HAUS6: variants seen among roughly 807,000 people sequenced by gnomAD.
The protein encoded by HAUS6 is HAUS augmin like complex subunit 6, also known as HAUS augmin-like complex subunit 6.
In HAUS6, 80 loss-of-function variants were observed where a neutral mutation model predicts 106.8. The observed-to-expected ratio is 0.75, with a 90% CI of 0.63 to 0.90. The LOEUF is 0.90. Ranked by LOEUF, HAUS6 falls within the 40% of genes least tolerant of loss-of-function variation. The pLI is 0.00. For synonymous variants in HAUS6, 356 were observed against 379.1 expected, an observed-to-expected ratio of 0.94 and a Z score of 0.71; for missense variants, 1,155 against 1,118.1, an observed-to-expected ratio of 1.03 and a Z score of -0.47.
chr9:19,058,835 A>G lies in HAUS6; in HGVS notation c.1932T>C (p.Thr644=), dbSNP rs1836542260. 1 of 1,614,110 alleles carries G rather than the reference A, an allele frequency of 6.2e-7. No homozygotes were observed. Among genetic ancestry groups the G allele is most frequent in the African/African-American group, 1.3e-5 (1 of 74,954 alleles). Residue 644 remains threonine (T), a synonymous_variant, in exon 16 of 17, where the codon ACT becomes ACC. Coordinates refer to ENST00000380502, the MANE Select transcript of HAUS6 (RefSeq NM_017645.5). ...FSMADFLLET[T]VSDFGQSHLT... ...AATGAGACTGGCCAAAATCTGATAC[A>G]GTGGTTTCTAAGAGAAAATCAGCCA...
At position 19,080,681 on chromosome 9, in the gene HAUS6, T is replaced by C; in HGVS notation, c.871-9A>G. 6 of 1,561,656 alleles carry C rather than the reference T, an allele frequency of 3.8e-6. No homozygotes were observed. The highest frequency in any genetic ancestry group is 5.2e-6 in the Non-Finnish European group (6 of 1,142,980). The stretch of plus-strand genomic sequence containing the variant: ...ACATTTCCTATGTGCAACTAAGGAA[T>C]CAGGAGGAGAAAAAAATTGGTGAAC... On this transcript the variant is annotated splice_polypyrimidine_tract_variant and intron_variant, in intron 8 of 16. Transcript: ENST00000380502.
At chr9:19,060,888 A>G (rs1836599398) in intron 14 of HAUS6, among the ~76,000 whole-genome samples, 1 of 152,220 alleles carries the variant, frequency 6.6e-6, no homozygotes, top group South Asian at 2.1e-4. Context: ...GAGGCCGGGC[A>G]TGGTGGCTCA....
At chr9:19,062,879 T>C in intron 14 of HAUS6, 129 bp downstream of exon 14, 3 of 719,484 alleles carry the variant, frequency 4.2e-6, no homozygotes, top group Non-Finnish European at 7.2e-6. Flanking sequence ...TTGCCCATGC[T>C]GGTCTCGAAC....
intron 6 of HAUS6, 80 bp downstream of exon 6, chr9:19,087,011 T>G (rs1588620587): frequency 1.3e-6 from 1 of 745,050 alleles, no homozygotes; most frequent in Non-Finnish European, 2.4e-6. Flanking sequence ...TTAATGTTTG[T>G]GGGAGTCTGT....
In HAUS6 at chr9:19,078,177, G is replaced by A. The variant is rs748828305; in HGVS notation, c.1190C>T (p.Pro397Leu). 129 of 1,603,764 alleles carry A rather than the reference G, an allele frequency of 8.0e-5. No individual in the cohort carries two copies. The highest frequency in any genetic ancestry group is 1.5e-4 in the Admixed American group (9 of 59,316). ...CAGGGGCAAGTCAACATTACTTACT[G>A]GAGTCCAACCTTTAATTAGACTGAA... is the stretch of plus-strand genomic sequence containing the variant. ...SPFSLIKGWT[P>L]SVDLLPPMSP... Residue 397 changes from proline to leucine, a missense_variant and splice_region_variant, in exon 10 of 17, where the codon CCA (proline) becomes CTA (leucine). Physicochemically the swap from Pro to Leu is moderately conservative, Grantham distance 98. Coordinates refer to ENST00000380502, the MANE Select transcript of HAUS6 (RefSeq NM_017645.5).
At chr9:19,062,300 AAT>A (rs1836641416) in intron 14 of HAUS6, among the ~76,000 whole-genome samples, 1 of 152,236 alleles carries the variant, frequency 6.6e-6, no homozygotes, top group South Asian at 2.1e-4. Context: ...AGTGTGTTCT[AAT>A]ATTCAAAAAA....
At chr9:19,087,018 C>G in intron 6 of HAUS6, 73 bp downstream of exon 6, 3 of 760,272 alleles carry the variant, frequency 3.9e-6, no homozygotes, top group Non-Finnish European at 7.1e-6. Context: ...TTGTGGGAGT[C>G]TGTTTCCTAG....
intron 14 of HAUS6, among the ~76,000 whole-genome samples, chr9:19,062,436 G>C (rs1368917046): frequency 6.6e-6 from 1 of 152,218 alleles, no homozygotes; most frequent in Non-Finnish European, 1.5e-5. Flanking sequence ...TGTATCATTT[G>C]TATACTTTCA....
intron 1 of HAUS6, among the ~76,000 whole-genome samples, chr9:19,100,149 G>T (rs991727814): frequency 3.9e-5 from 6 of 151,950 alleles, no homozygotes; most frequent in Admixed American, 6.6e-5. Flanking sequence ...AGTCCAGATC[G>T]CACCACTGCA....
rs1472622903 is a variant in HAUS6 at position 19,055,496 on chromosome 9, C to G, written c.*847G>C. 6.6e-6 allele frequency: 1 copy of G among 152,172 alleles called. No individual in the cohort carries two copies. Among genetic ancestry groups the G allele is most frequent in the Non-Finnish European group, 1.5e-5 (1 of 68,042 alleles). The allele number at this position is 152,172 out of a possible 1,614,324, so 9.4% of individuals were successfully genotyped here. A position where few individuals can be genotyped will look rare whatever the true frequency, so the allele number is the denominator to read the frequency against. ...GTTGTTCCTTGTTCCTTTCCCCCAA[C>G]AGGGAGTACCTCACAAAAAAACCCA... On this transcript the variant is annotated 3_prime_UTR_variant, in exon 17 of 17. Coordinates refer to ENST00000380502, the MANE Select transcript of HAUS6 (RefSeq NM_017645.5).
chr9:19,069,417 G>A (rs921367743), intron 12 of HAUS6, among the ~76,000 whole-genome samples: 6 of 152,282 alleles, frequency 3.9e-5, no homozygotes, highest in South Asian at 2.1e-4. Context: ...GGCCGGGTGC[G>A]GTGGCTCACA....
chr9:19,076,303 G>C (rs749045452), intron 11 of HAUS6, among the ~76,000 whole-genome samples: 20 of 152,108 alleles, frequency 1.3e-4, no homozygotes, highest in Non-Finnish European at 2.2e-4. Flanking sequence ...ACAGTGAGCT[G>C]AGATTGTTCG....
intron 1 of HAUS6, among the ~76,000 whole-genome samples, chr9:19,099,138 AAAT>A (rs1817928918): frequency 6.6e-6 from 1 of 151,500 alleles, no homozygotes; most frequent in Non-Finnish European, 1.5e-5. Flanking sequence ...AGTGAATAAA[AAAT>A]AATGGGGTTT....
chr9:19,097,788 C>G (rs925551302), intron 1 of HAUS6, among the ~76,000 whole-genome samples: 4 of 146,248 alleles, frequency 2.7e-5, no homozygotes, highest in African/African-American at 7.5e-5. Flanking sequence ...AAAGTGAAAA[C>G]AAAAATGAAA....
At position 19,076,703 on chromosome 9, in the gene HAUS6, G is replaced by C; in HGVS notation, c.1193C>G (p.Ser398Cys). 7.0e-7 allele frequency: 1 copy of C among 1,434,408 alleles called. No homozygotes were observed. The highest frequency in any genetic ancestry group is 9.8e-7 in the Non-Finnish European group (1 of 1,019,564). 88.9% of individuals were successfully genotyped at this position (1,434,408 alleles called of 1,614,324 possible). The change falls in exon 11 of 17, where the codon TCT (serine) becomes TGT (cysteine). Residue 398 changes from serine to cysteine, a missense_variant and splice_region_variant. Transcript: ENST00000380502. ...PFSLIKGWTP[S>C]VDLLPPMSPL... is the part of the protein sequence containing the mutation. Reference sequence around the variant, plus strand: ...AGACATTGGTGGTAAAAGATCTACAGACTTAAAACAGAAAATTCACAATTT... The same window carrying C: ...AGACATTGGTGGTAAAAGATCTACACACTTAAAACAGAAAATTCACAATTT...
chr9:19,101,199 T>C (rs1419776678), intron 1 of HAUS6, among the ~76,000 whole-genome samples: 4 of 152,210 alleles, frequency 2.6e-5, no homozygotes, highest in Non-Finnish European at 5.9e-5. Flanking sequence ...CAAAATTTTA[T>C]ATCCCCAAAA....
intron 7 of HAUS6, among the ~76,000 whole-genome samples, chr9:19,083,793 C>T (rs1418753143): frequency 2.4e-5 from 3 of 126,742 alleles, no homozygotes; most frequent in African/African-American, 9.4e-5. Context: ...CAGAGCAAGA[C>T]TCCATCTCAA....
Position 19,063,568 on chromosome 9 carries a change from G to T in HAUS6, c.1389C>A (p.Phe463Leu). The T allele has an allele frequency of 6.2e-7, 1 of 1,604,912 alleles. No individual in the cohort carries two copies. The highest frequency in any genetic ancestry group is 8.5e-7 in the Non-Finnish European group (1 of 1,171,608). The change falls in exon 13 of 17, where the codon TTC becomes TTA. Residue 463 changes from phenylalanine (F) to leucine (L), a missense_variant. By Grantham distance (22) the Phe-to-Leu change is conservative. This residue lies in a region of HAUS6 where 761 missense variants were observed against 690.0 expected (regional missense o/e 1.10). Coordinates refer to ENST00000380502, the MANE Select transcript of HAUS6 (RefSeq NM_017645.5). Reference protein sequence around the residue: ...LHDLANSPASFLSQSVSSSDR... With the variant: ...LHDLANSPASLLSQSVSSSDR... The stretch of plus-strand genomic sequence containing the variant: ...CTGATGATGAAACTGACTGCGACAA[G>T]AAAGAGGCAGGGCTAAAAGGAAAAA...
At position 19,094,324 on chromosome 9, in the gene HAUS6, C is replaced by G. The variant is rs1476546085; in HGVS notation, c.296G>C (p.Arg99Thr). The G allele has an allele frequency of 1.3e-6, 2 of 1,579,104 alleles. No homozygotes were observed. The highest frequency in any genetic ancestry group is 2.7e-5 in the African/African-American group (2 of 73,870). Residue 99 changes from arginine (R) to threonine (T), a missense_variant, in exon 3 of 17, where the codon AGG becomes ACG. Transcript: ENST00000380502. ...AACAAAAAGAATACTTACAGAAATC[C>G]TTTTTATCCATTCACAGCAATGTTT... Reference protein sequence around the residue: ...FRKHCCEWIKRISGECGSSFP... With the variant: ...FRKHCCEWIKTISGECGSSFP...
Sources: gnomAD v4.1 joint callset for allele counts (sites outside exome capture counted in the v4.1 genomes callset) on GRCh38, gnomAD v4.1.1 for gene constraint, gnomAD v4.1.1 regional missense constraint, MANE v1.5 for transcripts, NCBI Gene and HGNC (gene_info 2026-07-23, HGNC 2026-07-21) for gene names.